Variants in INTS3 observed in about 807,000 individuals in gnomAD.
INTS3 encodes SOSS complex subunit A.
A neutral mutation model predicts 146.3 loss-of-function variants in INTS3; 34 were observed. The observed-to-expected ratio is 0.23, with a 90% CI of 0.18 to 0.31. The LOEUF is 0.31. Among genes scored for constraint, INTS3 ranks in the 10% least tolerant of loss-of-function variants. The probability of loss-of-function intolerance (pLI) is 1.00; values close to 1 mark genes in which losing one functional copy is unlikely to be tolerated. For missense variants in INTS3, 757 were observed against 1,304.2 expected, an observed-to-expected ratio of 0.58 and a Z score of 6.46; for synonymous variants, 475 against 494.9, an observed-to-expected ratio of 0.96 and a Z score of 0.53.
At chr1:153,748,665 CTT>C (rs1462250159) in intron 5 of INTS3, 22 bp from the exon 6 acceptor site, 1 of 1,604,530 alleles carries the variant, frequency 6.2e-7, no homozygotes, top group Non-Finnish European at 8.5e-7. Flanking sequence ...CGGAGCTATT[CTT>C]TTTTTCCCCT....
chr1:153,772,035 T>G lies in INTS3; in HGVS notation c.2720+72T>G. The G allele has an allele frequency of 7.8e-7, 1 of 1,289,350 alleles. No individual in the cohort carries two copies. Among genetic ancestry groups the G allele is most frequent in the Non-Finnish European group, 1.1e-6 (1 of 937,950 alleles). 79.9% of individuals were successfully genotyped at this position (1,289,350 alleles called of 1,614,324 possible). On this transcript the variant is annotated intron_variant, in intron 26 of 29. Coordinates refer to ENST00000318967, the MANE Select transcript of INTS3 (RefSeq NM_023015.5). This position sits in a 1 kb window ranked among gnomAD's most constrained non-coding sequence, Gnocchi z 4.6. ...TGATTGCTGTCGGTGGTGGTGGTGGTGGTGGTGGTGGTGGTGATGGGGGTC... is the reference window on the plus strand; with the variant it reads ...TGATTGCTGTCGGTGGTGGTGGTGGGGGTGGTGGTGGTGGTGATGGGGGTC...
chr1:153,732,494 G>A (rs1167929329), intron 1 of INTS3, among the ~76,000 whole-genome samples: 1 of 150,644 alleles, frequency 6.6e-6, no homozygotes, highest in Non-Finnish European at 1.5e-5. Context: ...TACCCAGGCT[G>A]TAGTGCAATG....
At chr1:153,731,247 T>C (rs1671048753) in intron 1 of INTS3, among the ~76,000 whole-genome samples, 1 of 152,042 alleles carries the variant, frequency 6.6e-6, no homozygotes, top group Admixed American at 6.6e-5. Flanking sequence ...TATAATTGGG[T>C]GTGATTAGGA....
At position 153,762,758 on chromosome 1, in the gene INTS3, T is replaced by C; in HGVS notation, c.1547T>C (p.Met516Thr). ...VKIEEPVSME[M>T]DNHMSDKDES... ...ATTGAGGAGCCAGTTTCCATGGAGA[T>C]GGACAACCATATGTCGGATAAGGAT... The change falls in exon 15 of 30, where the codon ATG becomes ACG. Residue 516 changes from methionine to threonine, a missense_variant. By Grantham distance (81) the Met-to-Thr change is moderately conservative (BLOSUM62 -1). This residue lies in a region of INTS3 where 97 missense variants were observed against 113.6 expected (regional missense o/e 0.85). Coordinates refer to ENST00000318967, the MANE Select transcript of INTS3 (RefSeq NM_023015.5). 1 of 1,614,180 alleles carries C rather than the reference T, an allele frequency of 6.2e-7. No individual in the cohort carries two copies. Among genetic ancestry groups the C allele is most frequent in the Non-Finnish European group, 8.5e-7 (1 of 1,180,026 alleles).
chr1:153,763,829 C>T lies in INTS3; in HGVS notation c.1767-3C>T, dbSNP rs371647871. ...GGGATTTCCTCTCATTTCTGTCCTG[C>T]AGTGATACGGAGGCCCAGTGTGAGG... is the stretch of plus-strand genomic sequence containing the variant. On this transcript the variant is annotated splice_region_variant and splice_polypyrimidine_tract_variant and intron_variant, in intron 16 of 29. Coordinates refer to ENST00000318967, the MANE Select transcript of INTS3 (RefSeq NM_023015.5). The T allele has an allele frequency of 1.6e-5, 26 of 1,613,494 alleles. No individual in the cohort carries two copies. The highest frequency in any genetic ancestry group is 1.6e-4 in the Middle Eastern group (1 of 6,062).
chr1:153,760,719 C>A, intron 12 of INTS3, 108 bp from the exon 13 acceptor site: 1 of 874,082 alleles, frequency 1.1e-6, no homozygotes, highest in Non-Finnish European at 1.9e-6. Context: ...TGCAGCCATA[C>A]TCCCCAGTGT....
chr1:153,745,778 C>A (rs1258092748), intron 3 of INTS3, among the ~76,000 whole-genome samples: 2 of 151,952 alleles, frequency 1.3e-5, no homozygotes, highest in African/African-American at 2.4e-5. Context: ...CAATAAGTGG[C>A]AGAAGGAAAG....
Position 153,728,662 on chromosome 1 carries a change from G to A in INTS3, c.28G>A (p.Ala10Thr). The A allele has an allele frequency of 6.3e-7, 1 of 1,599,962 alleles. No individual in the cohort carries two copies. The highest frequency in any genetic ancestry group is 8.5e-7 in the Non-Finnish European group (1 of 1,173,982). Residue 10 changes from alanine (A) to threonine (T), a missense_variant, in exon 1 of 30, where the codon GCA becomes ACA. Ala to Thr is a moderately conservative substitution (Grantham distance 58, BLOSUM62 0). Around this residue, in one of 8 missense-constraint regions of INTS3, gnomAD observed 160 missense variants for 193.7 expected, o/e 0.83. Transcript: ENST00000318967. Reference protein sequence around the residue: MELQKGKGAAAAAAASGAAG... With the variant: MELQKGKGATAAAAASGAAG... ...GGAGTTGCAGAAGGGAAAAGGGGCG[G>A]CAGCAGCAGCAGCTGCTTCGGGAGC...
chr1:153,735,846 C>T (rs1671262748), intron 1 of INTS3, among the ~76,000 whole-genome samples: 1 of 152,168 alleles, frequency 6.6e-6, no homozygotes, highest in Non-Finnish European at 1.5e-5. Context: ...CCTCAGCCTC[C>T]CAAGTACCTG....
Position 153,728,274 on chromosome 1 carries a change from A to C in INTS3, c.-361A>C. ...TTCCCCCCACGGGGAAAAGAGGCAG[A>C]AACTTAGGGGTTTCCCTCCTTTCTT... On this transcript the variant is annotated 5_prime_UTR_variant, in exon 1 of 30. Transcript: ENST00000318967. 2.6e-6 allele frequency: 1 copy of C among 385,168 alleles called. No homozygotes were observed. The highest frequency in any genetic ancestry group is 4.6e-6 in the Non-Finnish European group (1 of 217,904). 23.9% of individuals were successfully genotyped at this position (385,168 alleles called of 1,614,324 possible). A position where few individuals can be genotyped will look rare whatever the true frequency, so the allele number is the denominator to read the frequency against.
chr1:153,750,980 C>A, intron 6 of INTS3, 115 bp from the exon 7 acceptor site: 1 of 1,042,578 alleles, frequency 9.6e-7, no homozygotes, highest in Non-Finnish European at 1.4e-6. Flanking sequence ...CATCTACTCC[C>A]AGTGTCAAAT....
intron 11 of INTS3, 50 bp from the exon 12 acceptor site, chr1:153,760,254 AAAAAGAG>A: frequency 1.9e-6 from 2 of 1,067,808 alleles, no homozygotes; most frequent in Middle Eastern, 2.3e-4. Context: ...AAAAAAAAAA[AAAAAGAG>A]AGAGAGAGAC....
chr1:153,770,449 C>T (rs1410953433), intron 24 of INTS3, 138 bp downstream of exon 24: 5 of 717,134 alleles, frequency 7.0e-6, no homozygotes, highest in Non-Finnish European at 1.2e-5. Flanking sequence ...AGGGCAGGCT[C>T]TCTGTCAGCC....
intron 1 of INTS3, among the ~76,000 whole-genome samples, chr1:153,733,136 G>A (rs1283627594): frequency 2.0e-5 from 3 of 149,762 alleles, no homozygotes; most frequent in South Asian, 2.1e-4. Flanking sequence ...CCACCGTGCC[G>A]GGCCAGAATT....
chr1:153,761,126 A>G (rs1672366966), intron 13 of INTS3: 3 of 1,359,798 alleles, frequency 2.2e-6, no homozygotes, highest in Non-Finnish European at 2.9e-6. Flanking sequence ...AAATGCCTTC[A>G]TGTTCCCTGT....
At chr1:153,738,482 G>A (rs923148414) in intron 1 of INTS3, among the ~76,000 whole-genome samples, 4 of 152,286 alleles carry the variant, frequency 2.6e-5, no homozygotes, top group East Asian at 3.9e-4. Context: ...CTGAGTTTAT[G>A]CATTTTTGGC....
Position 153,772,409 on chromosome 1 carries a change from G to C in INTS3, c.2790G>C (p.Leu930=). ...LEQILEHLDN[L]RLNLTNTKQN... ...AGATCCTGGAGCACTTGGACAATCT[G>C]CGGCTCAACCTGACCAACACCAAGC... The change falls in exon 27 of 30, where the codon CTG becomes CTC. Residue 930 remains leucine, a synonymous_variant. Transcript: ENST00000318967. This position sits in a 1 kb window ranked among gnomAD's most constrained non-coding sequence, Gnocchi z 4.6. 1.9e-6 allele frequency: 3 copies of C among 1,614,158 alleles called. No homozygotes were observed. The highest frequency in any genetic ancestry group is 2.5e-6 in the Non-Finnish European group (3 of 1,180,034).
chr1:153,753,118 A>C (rs1672024145), intron 8 of INTS3, among the ~76,000 whole-genome samples: 1 of 151,990 alleles, frequency 6.6e-6, no homozygotes, highest in Admixed American at 6.6e-5. Context: ...GGAAAGAAGA[A>C]AGTGCTGGAA....
At chr1:153,758,263 CT>C (rs1672235940) in intron 10 of INTS3, among the ~76,000 whole-genome samples, 1 of 152,206 alleles carries the variant, frequency 6.6e-6, no homozygotes, top group South Asian at 2.1e-4. Context: ...TGGCTGCCCC[CT>C]GACCTCTTCC....
Sources: gnomAD v4.1 joint callset for allele counts (sites outside exome capture counted in the v4.1 genomes callset) on GRCh38, gnomAD v4.1.1 for gene constraint, gnomAD v4.1.1 regional missense constraint, Gnocchi (gnomAD v3.1) non-coding constraint, MANE v1.5 for transcripts, NCBI Gene and HGNC (gene_info 2026-07-23, HGNC 2026-07-21) for gene names.